MTMR9: variants seen among roughly 807,000 people sequenced by gnomAD.
MTMR9 encodes myotubularin-related protein 9.
In MTMR9, 39 loss-of-function variants were observed where a neutral mutation model predicts 69.5. That is an observed-to-expected ratio of 0.56 (90% CI 0.43 to 0.73). MTMR9 has a LOEUF of 0.73. Among genes scored for constraint, MTMR9 ranks in the 30% least tolerant of loss-of-function variants. The pLI is 0.00. For synonymous variants in MTMR9, 354 were observed against 240.8 expected (o/e 1.47, Z -4.35); for missense variants, 900 against 671.2 (o/e 1.34, Z -3.77).
At position 11,316,622 on chromosome 8, in the gene MTMR9, G is replaced by A. The variant is rs1162686886; in HGVS notation, c.1114-51G>A. 5.5e-6 allele frequency: 7 copies of A among 1,272,780 alleles called. No homozygotes were observed. The Admixed American group carries it at 1.8e-4, about 33-fold the overall frequency. The allele number at this position is 1,272,780 out of a possible 1,614,324, so 78.8% of individuals were successfully genotyped here. ...TATAGTGGTGTCGGTAGAATGCTCT[G>A]TCATGTGATCTCACCAGGATATGAC... On this transcript the variant is annotated intron_variant, in intron 7 of 9. Transcript: ENST00000221086.
At chr8:11,289,309 C>T (rs1799298711) in intron 1 of MTMR9, among the ~76,000 whole-genome samples, 1 of 152,234 alleles carries the variant, frequency 6.6e-6, no homozygotes. Context: ...AGGGTAACTC[C>T]TTCAGTTCTG....
In MTMR9 at chr8:11,306,285, G is replaced by C. The variant is rs530716989; in HGVS notation, c.687G>C (p.Lys229Asn). The C allele has an allele frequency of 6.2e-7, 1 of 1,614,124 alleles. No homozygotes were observed. The highest frequency in any genetic ancestry group is 1.1e-5 in the South Asian group (1 of 91,088). ...TAAATGCTACCCTCAGGGCTGGAAA[G>C]CGTGGCTACATCATTGACACCCGAT... ...KLINATLRAG[K>N]RGYIIDTRSL... Residue 229 changes from lysine (K) to asparagine (N), a missense_variant, in exon 5 of 10, where the codon AAG (lysine) becomes AAC (asparagine). Transcript: ENST00000221086.
At chr8:11,304,540 G>C (rs962067950) in intron 3 of MTMR9, among the ~76,000 whole-genome samples, 1 of 152,188 alleles carries the variant, frequency 6.6e-6, no homozygotes, top group African/African-American at 2.4e-5. Context: ...AACTTGTACG[G>C]TGTTGTCTGA....
chr8:11,336,592 TGATGTA>T, the MTMR9 span, among the ~76,000 whole-genome samples: 2 of 152,232 alleles, frequency 1.3e-5, no homozygotes, highest in African/African-American at 4.8e-5. Context: ...GTCCATGAAT[TGATGTA>T]GATAAGTACT....
At chr8:11,289,206 T>G (rs1409106340) in intron 1 of MTMR9, among the ~76,000 whole-genome samples, 2 of 152,072 alleles carry the variant, frequency 1.3e-5, no homozygotes, top group South Asian at 4.1e-4. Flanking sequence ...AAAACAGTAG[T>G]GTAGTCACAA....
Position 11,288,349 on chromosome 8 carries a change from T to C in MTMR9, c.182+3279T>C, listed in dbSNP as rs1529857. 3.1e-3 allele frequency among the ~76,000 whole-genome samples: 436 copies of C among 140,266 alleles called. 3 individuals carry two copies. Among genetic ancestry groups the C allele is most frequent in the African/African-American group, 0.011 (408 of 38,082 alleles). The allele number at this position is 140,266 out of a possible 152,430, so 92.0% of individuals were successfully genotyped here. On this transcript the variant is annotated intron_variant, in intron 1 of 9. Coordinates refer to ENST00000221086, the MANE Select transcript of MTMR9 (RefSeq NM_015458.4). ...TATACATAAATATATAATATATTTATATATATATAATATATATATAATGAT... is the reference window on the plus strand; with the variant it reads ...TATACATAAATATATAATATATTTACATATATATAATATATATATAATGAT...
At chr8:11,329,571 C>G (rs530401432), downstream of MTMR9, among the ~76,000 whole-genome samples, 6 of 152,276 alleles carry the variant, frequency 3.9e-5, no homozygotes, top group African/African-American at 1.4e-4. Flanking sequence ...CAGCCTCGGC[C>G]TCCTGAGGTG....
chr8:11,334,674 A>G, the MTMR9 span, among the ~76,000 whole-genome samples: 1 of 152,188 alleles, frequency 6.6e-6, no homozygotes, highest in African/African-American at 2.4e-5. Context: ...CAGTGATTAC[A>G]TTAAATGTAA....
In MTMR9 at chr8:11,291,006, CAT is replaced by C. The variant is rs199568848; in HGVS notation, c.183-4186_183-4185del. On this transcript the variant is annotated intron_variant, in intron 1 of 9. Transcript: ENST00000221086. ...CTCAAAGGCAGTTGCAAAAATTGCACATAGAGGTTTTAGAATCGTCCACTCAG... is the reference window on the plus strand; with the variant it reads ...CTCAAAGGCAGTTGCAAAAATTGCACAGAGGTTTTAGAATCGTCCACTCAG... Among the ~76,000 whole-genome samples, 816 of 151,832 alleles carry C rather than the reference CAT, an allele frequency of 5.4e-3. 2 individuals are homozygous for C. The highest frequency in any genetic ancestry group is 0.038 in the Middle Eastern group (11 of 292).
At chr8:11,307,139 C>G (rs910243125) in intron 5 of MTMR9, among the ~76,000 whole-genome samples, 2 of 151,962 alleles carry the variant, frequency 1.3e-5, no homozygotes, top group Non-Finnish European at 2.9e-5. Context: ...TGGCACGATC[C>G]CAGCTCACTG....
chr8:11,321,621 C>G (rs1800696957), intron 9 of MTMR9: 2 of 398,222 alleles, frequency 5.0e-6, no homozygotes, highest in Non-Finnish European at 1.0e-5. Context: ...AAGAAGCTCT[C>G]TATTAGGTAA....
intron 1 of MTMR9, among the ~76,000 whole-genome samples, chr8:11,287,888 AATACG>A (rs1451422274): frequency 1.3e-4 from 17 of 128,120 alleles, no homozygotes; most frequent in African/African-American, 5.1e-4. Context: ...TAACATATAT[AATACG>A]TATTATATAT....
intron 6 of MTMR9, among the ~76,000 whole-genome samples, chr8:11,311,294 A>G (rs778733903): frequency 2.0e-5 from 3 of 152,212 alleles, no homozygotes; most frequent in African/African-American, 7.2e-5. Flanking sequence ...AGCTAAGTAC[A>G]TCATCTACAA....
chr8:11,331,149 C>T (rs565050790), downstream of MTMR9: 26 of 1,610,880 alleles, frequency 1.6e-5, no homozygotes, highest in African/African-American at 2.3e-4. Flanking sequence ...TGACTCCACA[C>T]ACCCATCGCC....
downstream of MTMR9, among the ~76,000 whole-genome samples, chr8:11,330,498 A>G (rs374645262): frequency 0.084 from 12,845 of 152,272 alleles, 694 homozygotes; most frequent in Middle Eastern, 0.22. Context: ...TGGGGAAAAG[A>G]TAGAGAAATC....
At chr8:11,317,289 G>A (rs1247984770) in intron 8 of MTMR9, 1 of 153,256 alleles carries the variant, frequency 6.5e-6, no homozygotes, top group African/African-American at 2.4e-5. Context: ...GTCATCAAAA[G>A]TGTGGCCTAG....
downstream of MTMR9, among the ~76,000 whole-genome samples, chr8:11,329,341 C>G (rs1421624630): frequency 1.3e-5 from 2 of 152,260 alleles, no homozygotes; most frequent in African/African-American, 2.4e-5. Flanking sequence ...CCCTCTCTTT[C>G]CATGGTCTCC....
At chr8:11,288,202 A>C (rs1001331052) in intron 1 of MTMR9, among the ~76,000 whole-genome samples, 1 of 137,794 alleles carries the variant, frequency 7.3e-6, no homozygotes, top group Non-Finnish European at 1.5e-5. Context: ...ACATGTAATT[A>C]TTATATATAA....
chr8:11,293,748 T>C (rs1384649504), intron 1 of MTMR9, among the ~76,000 whole-genome samples: 1 of 151,664 alleles, frequency 6.6e-6, no homozygotes, highest in Non-Finnish European at 1.5e-5. Flanking sequence ...TTCATGATTA[T>C]AGATTCAAAT....
Sources: allele counts gnomAD v4.1 joint callset (sites outside exome capture counted in the v4.1 genomes callset), GRCh38; gene constraint gnomAD v4.1.1; transcripts MANE v1.5; gene names NCBI Gene and HGNC (gene_info 2026-07-23, HGNC 2026-07-21).